The following MYO3B variants were observed in gnomAD, a reference collection of about 807,000 sequenced individuals.
The protein encoded by MYO3B is myosin-IIIb.
MYO3B carries 156 observed loss-of-function variants against 174.6 expected under a neutral mutation model. The observed-to-expected ratio is 0.89, with a 90% confidence interval of 0.78 to 1.02. The LOEUF is 1.02. MYO3B is among the 50% of genes least tolerant of loss of function. The pLI is 0.00. For synonymous variants in MYO3B, 563 were observed against 569.1 expected (o/e 0.99, Z 0.15); for missense variants, 1,632 against 1,639.4 (o/e 1.00, Z 0.08).
chr2:170,630,248 G>T (rs1161385562), intron 32 of MYO3B, among the ~76,000 whole-genome samples: 2 of 152,218 alleles, frequency 1.3e-5, no homozygotes, highest in African/African-American at 4.8e-5. Flanking sequence ...CACACCAGGA[G>T]ATTATATCCT....
chr2:170,401,306 G>T (rs1478292632), intron 17 of MYO3B, among the ~76,000 whole-genome samples, 175 bp from the exon 18 acceptor site: 2 of 152,046 alleles, frequency 1.3e-5, no homozygotes, highest in African/African-American at 2.4e-5. Flanking sequence ...AGAACAGTTT[G>T]GGAGATACTG....
chr2:170,203,681 C>G (rs1206348587), intron 3 of MYO3B, among the ~76,000 whole-genome samples: 1 of 152,144 alleles, frequency 6.6e-6, no homozygotes, highest in Non-Finnish European at 1.5e-5. Flanking sequence ...TTAAGTTTAT[C>G]AGGTTAACAA....
intron 7 of MYO3B, among the ~76,000 whole-genome samples, chr2:170,311,036 G>A (rs1041338383): frequency 9.2e-5 from 14 of 152,072 alleles, no homozygotes; most frequent in African/African-American, 2.7e-4. Context: ...TTTGGTTTAC[G>A]GGGCTGTTTC....
chr2:170,511,061 G>GT (rs1352683626), intron 28 of MYO3B, among the ~76,000 whole-genome samples: 2,252 of 131,942 alleles, frequency 0.017, 34 homozygotes, highest in South Asian at 0.043. Context: ...TTTTCCTTTT[G>GT]TTTTTTTTTT....
chr2:170,225,301 G>A (rs868258550), intron 6 of MYO3B, among the ~76,000 whole-genome samples: 109 of 152,336 alleles, frequency 7.2e-4, no homozygotes, highest in African/African-American at 2.5e-3. Context: ...CAAGTTATTA[G>A]GTGATGCCAC....
chr2:170,243,273 T>C (rs1391478877), intron 7 of MYO3B, among the ~76,000 whole-genome samples: 2 of 152,244 alleles, frequency 1.3e-5, no homozygotes, highest in Non-Finnish European at 1.5e-5. Flanking sequence ...GCTGAGAATG[T>C]GGCTGTGTTG....
At chr2:170,576,739 T>C (rs937299354) in intron 32 of MYO3B, among the ~76,000 whole-genome samples, 1 of 152,212 alleles carries the variant, frequency 6.6e-6, no homozygotes, top group Non-Finnish European at 1.5e-5. Flanking sequence ...AAAGCAATAG[T>C]TGATGCTTAT....
chr2:170,501,579 C>A (rs191436842), intron 27 of MYO3B, among the ~76,000 whole-genome samples: 1 of 152,182 alleles, frequency 6.6e-6, no homozygotes, highest in South Asian at 2.1e-4. Context: ...AAAGCAACCC[C>A]TCAGAAGCAT....
rs2094418917 is a variant in MYO3B at position 170,392,502 on chromosome 2, G to A, written c.1791+7G>A. 1.3e-6 allele frequency: 2 copies of A among 1,506,866 alleles called. No individual in the cohort carries two copies. The highest frequency in any genetic ancestry group is 2.6e-5 in the South Asian group (2 of 75,770). 93.3% of individuals were successfully genotyped at this position (1,506,866 alleles called of 1,614,324 possible). A position where few individuals can be genotyped will look rare whatever the true frequency, so the allele number is the denominator to read the frequency against. On this transcript the variant is annotated splice_region_variant and intron_variant, in intron 16 of 34. Transcript: ENST00000408978. ...TATAGGGTTCACGGACAAAGTAAGT[G>A]ATGATCAAGAGAGGAACTCAAGTGA...
intron 7 of MYO3B, among the ~76,000 whole-genome samples, chr2:170,245,440 T>C (rs998015249): frequency 6.6e-6 from 1 of 152,226 alleles, no homozygotes; most frequent in Non-Finnish European, 1.5e-5. Flanking sequence ...AAAGTGGCTC[T>C]GTCCTAGCCA....
At chr2:170,259,058 A>G (rs983652815) in intron 7 of MYO3B, among the ~76,000 whole-genome samples, 6 of 152,220 alleles carry the variant, frequency 3.9e-5, no homozygotes, top group Admixed American at 2.0e-4. Flanking sequence ...GAAAGAAATC[A>G]TAGATGACAC....
At chr2:170,436,956 A>G (rs571671055) in intron 22 of MYO3B, among the ~76,000 whole-genome samples, 1 of 152,200 alleles carries the variant, frequency 6.6e-6, no homozygotes, top group African/African-American at 2.4e-5. Context: ...ATAATAATAA[A>G]ATACTACCTA....
chr2:170,232,453 G>A (rs1480946945), intron 6 of MYO3B, among the ~76,000 whole-genome samples: 1 of 152,238 alleles, frequency 6.6e-6, no homozygotes, highest in African/African-American at 2.4e-5. Flanking sequence ...CAAAGAAGAT[G>A]GAGTTGAAAT....
intron 1 of MYO3B, among the ~76,000 whole-genome samples, chr2:170,191,004 T>G (rs534774128): frequency 6.6e-6 from 1 of 152,130 alleles, no homozygotes; most frequent in East Asian, 1.9e-4. Context: ...CTGCAAATAC[T>G]GCCTGGGTAC....
chr2:170,243,012 G>A (rs775529508), intron 7 of MYO3B, among the ~76,000 whole-genome samples: 17 of 152,180 alleles, frequency 1.1e-4, no homozygotes, highest in Non-Finnish European at 2.2e-4. Context: ...TAGTCTAAAG[G>A]AAGGTTCTTC....
chr2:170,334,527 A>G (rs1304579567), intron 7 of MYO3B: 2 of 152,166 alleles, frequency 1.3e-5, no homozygotes, highest in African/African-American at 4.8e-5. Flanking sequence ...GCCATAATTC[A>G]TGTGTGCAGA....
chr2:170,279,583 A>G (rs548700290), intron 7 of MYO3B, among the ~76,000 whole-genome samples: 40 of 152,188 alleles, frequency 2.6e-4, no homozygotes, highest in Admixed American at 2.4e-3. Flanking sequence ...CCCAGTACCC[A>G]ATAGTTATCT....
chr2:170,336,525 G>A (rs1230342892), intron 8 of MYO3B, among the ~76,000 whole-genome samples: 1 of 152,132 alleles, frequency 6.6e-6, no homozygotes, highest in Non-Finnish European at 1.5e-5. Flanking sequence ...TTTTGTAGTT[G>A]AGTCATTTAG....
At chr2:170,366,153 C>T (rs2094196506) in intron 8 of MYO3B, among the ~76,000 whole-genome samples, 1 of 152,176 alleles carries the variant, frequency 6.6e-6, no homozygotes, top group Non-Finnish European at 1.5e-5. Flanking sequence ...CCCTATATCT[C>T]ATTTGTTGGC....
Sources: allele counts gnomAD v4.1 joint callset (sites outside exome capture counted in the v4.1 genomes callset), GRCh38; gene constraint gnomAD v4.1.1; transcripts MANE v1.5; gene names NCBI Gene and HGNC (gene_info 2026-07-23, HGNC 2026-07-21).